Variants in ATG7 observed in about 807,000 individuals in gnomAD.
ATG7 encodes the protein autophagy related 7, also known as ubiquitin-like modifier-activating enzyme ATG7.
Under a neutral mutation model 82.4 loss-of-function variants are expected in ATG7, and 70 were observed. The observed-to-expected ratio is 0.85, with a 90% CI of 0.70 to 1.04. ATG7 has a LOEUF of 1.04. Among genes scored for constraint, ATG7 ranks in the 50% least tolerant of loss-of-function variants. ATG7 has a pLI of 0.00. For synonymous variants in ATG7, 287 were observed against 313.0 expected, an observed-to-expected ratio of 0.92 and a Z score of 0.88; for missense variants, 792 against 864.3, an observed-to-expected ratio of 0.92 and a Z score of 1.05.
At position 11,282,268 on chromosome 3, in the gene ATG7, T is replaced by C. The variant is rs1285750739; in HGVS notation, c.-181T>C. 6.6e-6 allele frequency: 1 copy of C among 152,194 alleles called. No individual in the cohort carries two copies. Among genetic ancestry groups the C allele is most frequent in the Non-Finnish European group, 1.5e-5 (1 of 68,052 alleles). 9.4% of individuals were successfully genotyped at this position (152,194 alleles called of 1,614,324 possible). A position where few individuals can be genotyped will look rare whatever the true frequency, so the allele number is the denominator to read the frequency against. ...TGAAGCTGATGGACACCAGATTGCA[T>C]GTGAAGGTGAAGGATATTATAGCAG... On this transcript the variant is annotated 5_prime_UTR_variant, in exon 3 of 21. The change abolishes an upstream ATG in the 5' untranslated region. Coordinates refer to ENST00000693202, the MANE Select transcript of ATG7 (RefSeq NM_001349232.2).
downstream of ATG7, chr3:11,558,961 C>G (rs2072702240): frequency 1.8e-5 from 20 of 1,087,814 alleles, no homozygotes; most frequent in Non-Finnish European, 2.6e-5. Context: ...CAGACAGAAC[C>G]CACCTCCCCC....
intron 20 of ATG7, among the ~76,000 whole-genome samples, chr3:11,519,857 A>G (rs916154077): frequency 5.3e-5 from 8 of 151,970 alleles, no homozygotes; most frequent in Admixed American, 3.3e-4. Flanking sequence ...CACCATGCCC[A>G]GCCGAGAGGA....
chr3:11,456,882 A>G (rs956703354), intron 20 of ATG7, among the ~76,000 whole-genome samples: 41 of 152,248 alleles, frequency 2.7e-4, no homozygotes, highest in Admixed American at 1.6e-3. Flanking sequence ...AGGCTACTGG[A>G]TGTGTAAGTA....
chr3:11,554,820 A>G lies in ATG7; in HGVS notation c.2089A>G (p.Met697Val). 1 of 1,613,434 alleles carries G rather than the reference A, an allele frequency of 6.2e-7. No individual in the cohort carries two copies. Among genetic ancestry groups the G allele is most frequent in the Non-Finnish European group, 8.5e-7 (1 of 1,179,758 alleles). ...QETQAAEIWD[M>V]SDDETI ...CCCCTTCTCCATGCAGATCTGGGAC[A>G]TGAGCGATGATGAGACCATCTGAGA... is the stretch of plus-strand genomic sequence containing the variant. The change falls in exon 21 of 21, where the codon ATG (methionine) becomes GTG (valine). Residue 697 changes from methionine to valine, a missense_variant. By Grantham distance (21) the Met-to-Val change is conservative. Coordinates refer to ENST00000693202, the MANE Select transcript of ATG7 (RefSeq NM_001349232.2).
intron 20 of ATG7, among the ~76,000 whole-genome samples, chr3:11,486,980 G>A (rs1189300336): frequency 1.2e-4 from 18 of 151,638 alleles, no homozygotes; most frequent in African/African-American, 1.9e-4. Context: ...AGGACCCTGC[G>A]GCCTTCCGCA....
At chr3:11,533,970 C>G (rs1308835747) in intron 20 of ATG7, among the ~76,000 whole-genome samples, 1 of 152,200 alleles carries the variant, frequency 6.6e-6, no homozygotes, top group African/African-American at 2.4e-5. Flanking sequence ...CCAGGTTTCC[C>G]ACCATCAGAA....
chr3:11,512,065 G>A lies in ATG7; in HGVS notation c.2080-42746G>A, dbSNP rs189079492. ...TCCCACAGTGCAGTGGGGGGCTGAA[G>A]GGCTCCTCAAATGCCACCAAAGTGG... On this transcript the variant is annotated intron_variant, in intron 20 of 20. Coordinates refer to ENST00000693202, the MANE Select transcript of ATG7 (RefSeq NM_001349232.2). 4.0e-3 allele frequency among the ~76,000 whole-genome samples: 607 copies of A among 152,308 alleles called. 1 individual carries two copies. Among genetic ancestry groups the A allele is most frequent in the Middle Eastern group, 0.017 (5 of 294 alleles).
intron 20 of ATG7, among the ~76,000 whole-genome samples, chr3:11,478,128 C>A (rs1252392066): frequency 6.6e-6 from 1 of 152,146 alleles, no homozygotes; most frequent in Non-Finnish European, 1.5e-5. Flanking sequence ...CTGTGACCGA[C>A]AGTCTTGTTA....
At chr3:11,562,031 G>C (rs908607602), downstream of ATG7, among the ~76,000 whole-genome samples, 3 of 151,612 alleles carry the variant, frequency 2.0e-5, no homozygotes, top group African/African-American at 7.3e-5. Context: ...CCGAGTAGCT[G>C]GGATTACAGG....
intron 20 of ATG7, among the ~76,000 whole-genome samples, chr3:11,493,462 G>A (rs780464942): frequency 2.6e-5 from 4 of 152,206 alleles, no homozygotes; most frequent in East Asian, 1.9e-4. Flanking sequence ...TCAGGAGAGA[G>A]CAGGCAAACA....
chr3:11,563,885 G>A, the ATG7 span, among the ~76,000 whole-genome samples: 3 of 152,074 alleles, frequency 2.0e-5, no homozygotes, highest in Non-Finnish European at 4.4e-5. Flanking sequence ...CAACTCCCAG[G>A]GCCTACCCCA....
intron 19 of ATG7, among the ~76,000 whole-genome samples, chr3:11,406,794 A>G (rs1050143513): frequency 4.6e-5 from 7 of 152,140 alleles, no homozygotes; most frequent in African/African-American, 1.7e-4. Context: ...AGACCCATTA[A>G]CCATCACCAG....
chr3:11,573,244 AGAG>A, the ATG7 span, among the ~76,000 whole-genome samples: 19 of 80,936 alleles, frequency 2.3e-4, 1 homozygote, highest in Non-Finnish European at 2.0e-5. Flanking sequence ...GAAAAGAAAT[AGAG>A]AAAGAAAGAA....
rs575169833 is a variant in ATG7 at position 11,373,379 on chromosome 3, T to C, written c.1876-6593T>C. ...GTGCTTCCATCCGTTTTCTGACAGC[T>C]AACAGGTGATGCTGAGTGGTACAGA... On this transcript the variant is annotated intron_variant, in intron 18 of 20. Coordinates refer to ENST00000693202, the MANE Select transcript of ATG7 (RefSeq NM_001349232.2). Among the ~76,000 whole-genome samples, 21 of 152,340 alleles carry C rather than the reference T, an allele frequency of 1.4e-4. No homozygotes were observed. The South Asian group carries it at 4.1e-3, about 30-fold the overall frequency.
chr3:11,310,522 T>C (rs1252647901), intron 7 of ATG7, among the ~76,000 whole-genome samples: 1 of 152,254 alleles, frequency 6.6e-6, no homozygotes, highest in Admixed American at 6.5e-5. Context: ...TAACAAGTTA[T>C]AATGCTTTCT....
At chr3:11,463,378 T>C (rs2086530090) in intron 20 of ATG7, among the ~76,000 whole-genome samples, 1 of 152,222 alleles carries the variant, frequency 6.6e-6, no homozygotes, top group African/African-American at 2.4e-5. Context: ...AATCAGATAC[T>C]TCCCTCAGAA....
chr3:11,519,541 T>TG lies in ATG7; in HGVS notation c.2080-35270_2080-35269insG, dbSNP rs1559791210. Among the ~76,000 whole-genome samples the TG allele has an allele frequency of 3.5e-4, 9 of 26,024 alleles. No individual in the cohort carries two copies. In the South Asian group the frequency reaches 6.8e-3, roughly 20 times the overall value. The allele number at this position is 26,024 out of a possible 152,430, so 17.1% of individuals were successfully genotyped here. A position where few individuals can be genotyped will look rare whatever the true frequency, so the allele number is the denominator to read the frequency against. On this transcript the variant is annotated intron_variant, in intron 20 of 20. Coordinates refer to ENST00000693202, the MANE Select transcript of ATG7 (RefSeq NM_001349232.2). ...ATGAAAGGCAGGCAGTGAGAGGAGT[T>TG]TTTTTTTTTTTTTTTTTTTTTTTTT...
intron 19 of ATG7, among the ~76,000 whole-genome samples, chr3:11,408,126 G>A (rs1379100696): frequency 6.6e-6 from 1 of 152,160 alleles, no homozygotes; most frequent in Non-Finnish European, 1.5e-5. Context: ...CCTCTTGAAT[G>A]CTTTGCTGCT....
chr3:11,519,841 G>A (rs761997912), intron 20 of ATG7, among the ~76,000 whole-genome samples: 3 of 151,978 alleles, frequency 2.0e-5, no homozygotes, highest in Non-Finnish European at 2.9e-5. Context: ...GATTACAGGC[G>A]TGAGCCACCA....
Sources: allele counts gnomAD v4.1 joint callset (sites outside exome capture counted in the v4.1 genomes callset), GRCh38; gene constraint gnomAD v4.1.1; transcripts MANE v1.5; gene names NCBI Gene and HGNC (gene_info 2026-07-23, HGNC 2026-07-21).